Variants in CNTN3 observed in about 807,000 individuals in gnomAD.
CNTN3 encodes contactin-3.
A neutral mutation model predicts 119.1 loss-of-function variants in CNTN3; 60 were observed. The ratio of observed to expected loss-of-function variants is 0.50; its 90% confidence interval spans 0.41 to 0.62. CNTN3 has a LOEUF of 0.62. Among genes scored for constraint, CNTN3 ranks in the 20% least tolerant of loss-of-function variants. The pLI is 0.00. For synonymous variants in CNTN3, 450 were observed against 438.7 expected (o/e 1.03, Z -0.32); for missense variants, 1,101 against 1,242.4 (o/e 0.89, Z 1.71).
chr3:74,493,367 A>G (rs1019192686), intron 3 of CNTN3, among the ~76,000 whole-genome samples: 1 of 152,146 alleles, frequency 6.6e-6, no homozygotes, highest in African/African-American at 2.4e-5. Flanking sequence ...AATTCACCTC[A>G]CAGTTGATTA....
chr3:74,578,495 T>C (rs1704452942), intron 1 of CNTN3, among the ~76,000 whole-genome samples: 1 of 152,056 alleles, frequency 6.6e-6, no homozygotes, highest in African/African-American at 2.4e-5. Context: ...AGACATCTGT[T>C]CTCTACAAGT....
At chr3:74,393,641 C>T (rs1360333079) in intron 5 of CNTN3, among the ~76,000 whole-genome samples, 1 of 152,100 alleles carries the variant, frequency 6.6e-6, no homozygotes, top group Non-Finnish European at 1.5e-5. Context: ...CTGAGGCTGC[C>T]AGGTAGAAGG....
intron 2 of CNTN3, among the ~76,000 whole-genome samples, chr3:74,509,446 C>T (rs551697852): frequency 4.6e-5 from 7 of 152,066 alleles, no homozygotes; most frequent in Admixed American, 3.3e-4. Flanking sequence ...TACGGGCACA[C>T]GCCATCATGC....
intron 11 of CNTN3, among the ~76,000 whole-genome samples, chr3:74,356,035 G>C (rs180923991): frequency 1.8e-4 from 28 of 152,086 alleles, no homozygotes; most frequent in African/African-American, 6.0e-4. Context: ...TGCTCATTGT[G>C]ATGGTATAAA....
intron 4 of CNTN3, among the ~76,000 whole-genome samples, chr3:74,470,058 T>C (rs1416026820): frequency 1.3e-5 from 2 of 152,132 alleles, no homozygotes; most frequent in Non-Finnish European, 2.9e-5. Context: ...TGCTACTATA[T>C]GAAGAACCTT....
chr3:74,333,718 C>T (rs1303320197), intron 13 of CNTN3, among the ~76,000 whole-genome samples: 3 of 151,074 alleles, frequency 2.0e-5, no homozygotes, highest in Non-Finnish European at 1.5e-5. Context: ...TGGGAGGACA[C>T]AATTCAACTC....
chr3:74,444,363 T>C (rs1467999788), intron 4 of CNTN3, among the ~76,000 whole-genome samples: 1 of 152,092 alleles, frequency 6.6e-6, no homozygotes, highest in Non-Finnish European at 1.5e-5. Flanking sequence ...AAATGTTATG[T>C]CTAGGGTAGA....
At chr3:74,422,730 C>A (rs1400301659) in intron 5 of CNTN3, among the ~76,000 whole-genome samples, 2 of 152,108 alleles carry the variant, frequency 1.3e-5, no homozygotes, top group Admixed American at 6.5e-5. Flanking sequence ...GACTACCCAG[C>A]TATTATGTTA....
intron 13 of CNTN3, among the ~76,000 whole-genome samples, chr3:74,330,290 A>C (rs1282955900): frequency 6.6e-6 from 1 of 151,756 alleles, no homozygotes; most frequent in Non-Finnish European, 1.5e-5. Context: ...TGGGAGGCAG[A>C]GGTTGCAGTG....
At chr3:74,312,070 T>C (rs746788826) in intron 13 of CNTN3, among the ~76,000 whole-genome samples, 1 of 151,576 alleles carries the variant, frequency 6.6e-6, no homozygotes, top group African/African-American at 2.4e-5. Flanking sequence ...ACAGTGAATA[T>C]TGGAAAAAAA....
intron 4 of CNTN3, among the ~76,000 whole-genome samples, chr3:74,425,290 C>T (rs2106898676): frequency 6.6e-6 from 1 of 152,224 alleles, no homozygotes; most frequent in East Asian, 1.9e-4. Context: ...TCTTTATGGT[C>T]ATAAGTACCT....
chr3:74,402,635 G>A (rs1705227341), intron 5 of CNTN3, among the ~76,000 whole-genome samples: 1 of 152,132 alleles, frequency 6.6e-6, no homozygotes, highest in African/African-American at 2.4e-5. Flanking sequence ...CTTTAGCAAA[G>A]CCCTAATTTT....
chr3:74,365,521 G>T (rs1439369797), intron 9 of CNTN3, 45 bp downstream of exon 9: 2 of 1,610,632 alleles, frequency 1.2e-6, no homozygotes, highest in Non-Finnish European at 1.7e-6. Flanking sequence ...GGAAAGGGTG[G>T]ATTTACCAGG....
At chr3:74,595,128 AC>A (rs1704780497) in intron 1 of CNTN3, among the ~76,000 whole-genome samples, 1 of 151,706 alleles carries the variant, frequency 6.6e-6, no homozygotes, top group Non-Finnish European at 1.5e-5. Flanking sequence ...TACTTTGCCC[AC>A]TTTTTGATGC....
intron 5 of CNTN3, among the ~76,000 whole-genome samples, chr3:74,396,958 G>A (rs1705072838): frequency 6.6e-6 from 1 of 152,310 alleles, no homozygotes; most frequent in South Asian, 2.1e-4. Context: ...CTAAACAGCA[G>A]ACAGCAGACT....
chr3:74,366,761 T>TGC, intron 8 of CNTN3, among the ~76,000 whole-genome samples: 1 of 65,966 alleles, frequency 1.5e-5, no homozygotes, highest in South Asian at 7.1e-4. Flanking sequence ...TGTGTGTGCG[T>TGC]GTGTGTGTGT....
chr3:74,321,113 T>C (rs1702977552), intron 13 of CNTN3, among the ~76,000 whole-genome samples: 1 of 151,784 alleles, frequency 6.6e-6, no homozygotes, highest in Admixed American at 6.6e-5. Flanking sequence ...ATAAGAACAA[T>C]AAACACTGGA....
At chr3:74,466,109 A>G (rs1175301151) in intron 4 of CNTN3, among the ~76,000 whole-genome samples, 1 of 152,198 alleles carries the variant, frequency 6.6e-6, no homozygotes, top group Non-Finnish European at 1.5e-5. Flanking sequence ...AAGCAAGTGG[A>G]ACCTGAGCAG....
chr3:74,389,956 T>A (rs1704852965), intron 5 of CNTN3, among the ~76,000 whole-genome samples: 1 of 152,196 alleles, frequency 6.6e-6, no homozygotes, highest in Non-Finnish European at 1.5e-5. Context: ...ATAATTAGGA[T>A]TCTTGGGAAG....
Sources: gnomAD v4.1 joint callset for allele counts (sites outside exome capture counted in the v4.1 genomes callset) on GRCh38, gnomAD v4.1.1 for gene constraint, MANE v1.5 for transcripts, NCBI Gene and HGNC (gene_info 2026-07-23, HGNC 2026-07-21) for gene names.